RORA: variants seen among roughly 807,000 people sequenced by gnomAD.
RORA encodes RAR related orphan receptor A.
Under a neutral mutation model 69.5 loss-of-function variants are expected in RORA, and 7 were observed. The ratio of observed to expected loss-of-function variants is 0.10; its 90% CI spans 0.06 to 0.19. The LOEUF is 0.19. Among genes scored for constraint, RORA ranks in the 10% least tolerant of loss-of-function variants. The pLI, the probability that RORA is intolerant of heterozygous loss-of-function variation, is 1.00. For missense variants in RORA, 457 were observed against 663.0 expected (o/e 0.69, Z 3.41); for synonymous variants, 261 against 240.8 (o/e 1.08, Z -0.78).
chr15:60,817,579 C>T (rs981671665), intron 1 of RORA, among the ~76,000 whole-genome samples: 2 of 152,330 alleles, frequency 1.3e-5, no homozygotes, highest in African/African-American at 4.8e-5. Flanking sequence ...CCATCCTGGG[C>T]TTTTGTTTCT....
At chr15:60,842,172 C>T (rs761953384) in intron 1 of RORA, among the ~76,000 whole-genome samples, 4 of 152,232 alleles carry the variant, frequency 2.6e-5, no homozygotes, top group Middle Eastern at 3.4e-3. Flanking sequence ...CCAGGGCCGT[C>T]GTCCACTTTG....
At chr15:60,663,820 G>A (rs960802640) in intron 2 of RORA, among the ~76,000 whole-genome samples, 5 of 152,204 alleles carry the variant, frequency 3.3e-5, no homozygotes, top group Non-Finnish European at 7.3e-5. Context: ...TGTACGATAT[G>A]TAGATGATTG....
At chr15:60,617,794 G>A (rs2069294378) in intron 2 of RORA, among the ~76,000 whole-genome samples, 1 of 151,380 alleles carries the variant, frequency 6.6e-6, no homozygotes, top group African/African-American at 2.4e-5. Flanking sequence ...CCTGTGGTGG[G>A]AAGGAGGCCT....
At chr15:61,019,158 C>T (rs1350090422) in intron 1 of RORA, among the ~76,000 whole-genome samples, 2 of 152,238 alleles carry the variant, frequency 1.3e-5, no homozygotes, top group Non-Finnish European at 2.9e-5. Context: ...CTTCACAGCA[C>T]CACAGAACAT....
intron 1 of RORA, among the ~76,000 whole-genome samples, chr15:61,093,369 T>C (rs1211390943): frequency 6.6e-6 from 1 of 152,138 alleles, no homozygotes; most frequent in Admixed American, 6.5e-5. Context: ...AGGTGTCAGG[T>C]GTGGGTCTGC....
chr15:61,082,139 T>C (rs959777444), intron 1 of RORA, among the ~76,000 whole-genome samples: 4 of 152,160 alleles, frequency 2.6e-5, no homozygotes, highest in African/African-American at 9.7e-5. Context: ...TTAAATGACA[T>C]AGGTTTGACT....
chr15:60,907,612 C>T (rs545244863), intron 1 of RORA, among the ~76,000 whole-genome samples: 1 of 152,338 alleles, frequency 6.6e-6, no homozygotes, highest in East Asian at 1.9e-4. Flanking sequence ...AAAACTTCAC[C>T]TGTAATGTGC....
intron 1 of RORA, among the ~76,000 whole-genome samples, chr15:61,196,983 T>C (rs2079850943): frequency 6.6e-6 from 1 of 152,198 alleles, no homozygotes; most frequent in African/African-American, 2.4e-5. Flanking sequence ...AAGGCAGAGC[T>C]TGCTTGCCAG....
chr15:60,571,533 T>G (rs1370228035), intron 2 of RORA, among the ~76,000 whole-genome samples: 3 of 152,226 alleles, frequency 2.0e-5, no homozygotes, highest in Admixed American at 1.3e-4. Context: ...ACAGCACTTT[T>G]TGGTATCATA....
intron 1 of RORA, among the ~76,000 whole-genome samples, chr15:61,153,542 G>A (rs1567013868): frequency 6.6e-6 from 1 of 152,150 alleles, no homozygotes; most frequent in Admixed American, 6.5e-5. Flanking sequence ...TGGGTCTGAT[G>A]GCTGTTAACG....
At chr15:60,889,647 C>A (rs752859647) in intron 1 of RORA, among the ~76,000 whole-genome samples, 1 of 152,252 alleles carries the variant, frequency 6.6e-6, no homozygotes, top group Non-Finnish European at 1.5e-5. Context: ...GAGGCACCAA[C>A]GCCCCTGGAA....
Position 60,536,583 on chromosome 15 carries a change from T to A in RORA, c.197-4732A>T, listed in dbSNP as rs76034914. Among the ~76,000 whole-genome samples, 88 of 152,364 alleles carry A rather than the reference T, an allele frequency of 5.8e-4. 1 individual carries two copies. The East Asian group carries it at 0.016, about 28-fold the overall frequency. ...TAATAAAAGTTTTACAAAATTAAAG[T>A]TTTTTATTGGTTCACATAAAAACTA... is the stretch of plus-strand genomic sequence containing the variant. On this transcript the variant is annotated intron_variant, in intron 2 of 10. Transcript: ENST00000335670.
chr15:61,063,874 G>A (rs997786355), intron 1 of RORA, among the ~76,000 whole-genome samples: 1 of 152,204 alleles, frequency 6.6e-6, no homozygotes, highest in East Asian at 1.9e-4. Context: ...AGCACGTTTG[G>A]CCTAGCTACT....
intron 2 of RORA, among the ~76,000 whole-genome samples, chr15:60,561,269 G>C (rs1035091519): frequency 5.3e-5 from 8 of 151,612 alleles, no homozygotes; most frequent in Non-Finnish European, 8.8e-5. Flanking sequence ...TTTTAGTAGA[G>C]ACGGGGTTTC....
chr15:61,141,844 G>T (rs185209871), intron 1 of RORA, among the ~76,000 whole-genome samples: 1 of 152,196 alleles, frequency 6.6e-6, no homozygotes, highest in Non-Finnish European at 1.5e-5. Flanking sequence ...AAACTTTCAC[G>T]TGAGCTTGGA....
At chr15:60,549,155 A>G (rs543008569) in intron 2 of RORA, among the ~76,000 whole-genome samples, 1 of 152,354 alleles carries the variant, frequency 6.6e-6, no homozygotes, top group Middle Eastern at 3.4e-3. Flanking sequence ...AAGTTACGAG[A>G]AACAAGGAAT....
At chr15:60,734,465 A>C (rs1270535652) in intron 1 of RORA, among the ~76,000 whole-genome samples, 6 of 152,242 alleles carry the variant, frequency 3.9e-5, no homozygotes, top group Non-Finnish European at 7.3e-5. Flanking sequence ...TTTATATATC[A>C]GTTTTGAGAG....
chr15:60,652,768 A>T (rs1325128455), intron 2 of RORA, among the ~76,000 whole-genome samples: 2 of 152,210 alleles, frequency 1.3e-5, no homozygotes, highest in African/African-American at 4.8e-5. Flanking sequence ...GAAACACTTA[A>T]CATTTAACAC....
At chr15:60,614,955 T>G in intron 2 of RORA, 1 of 1,614,118 alleles carries the variant, frequency 6.2e-7, no homozygotes, top group Non-Finnish European at 8.5e-7. Context: ...AGTTCTTGGC[T>G]GTGGCTCCAT....
Sources: allele counts gnomAD v4.1 joint callset (sites outside exome capture counted in the v4.1 genomes callset), GRCh38; gene constraint gnomAD v4.1.1; transcripts MANE v1.5; gene names NCBI Gene and HGNC (gene_info 2026-07-23, HGNC 2026-07-21).